The following DNER variants were observed in gnomAD, a reference collection of about 807,000 sequenced individuals.
DNER encodes delta and Notch-like epidermal growth factor-related receptor.
In DNER, 33 loss-of-function variants were observed where a neutral mutation model predicts 78.2. That is an observed-to-expected ratio of 0.42 (90% CI 0.32 to 0.56). The LOEUF (loss-of-function observed/expected upper bound fraction) is 0.56, where lower values mean the gene tolerates loss of function less well. DNER is among the 20% of genes least tolerant of loss of function. The pLI is 0.11. For missense variants in DNER, 918 were observed against 975.3 expected, an observed-to-expected ratio of 0.94 and a Z score of 0.78; for synonymous variants, 417 against 384.8, an observed-to-expected ratio of 1.08 and a Z score of -0.98.
At chr2:229,560,315 C>A (rs564053576) in intron 4 of DNER, among the ~76,000 whole-genome samples, 1 of 152,278 alleles carries the variant, frequency 6.6e-6, no homozygotes, top group South Asian at 2.1e-4. Flanking sequence ...TTGAGCAGTA[C>A]GTGTTGGAAA....
chr2:229,696,351 T>A (rs1478291286), intron 1 of DNER, among the ~76,000 whole-genome samples: 1 of 152,240 alleles, frequency 6.6e-6, no homozygotes, highest in Non-Finnish European at 1.5e-5. Flanking sequence ...GTATTAAATG[T>A]GCCTGAGGGG....
At chr2:229,512,091 G>C (rs570686744) in intron 6 of DNER, among the ~76,000 whole-genome samples, 2 of 152,282 alleles carry the variant, frequency 1.3e-5, no homozygotes, top group Non-Finnish European at 2.9e-5. Context: ...CCATAAGAAG[G>C]AATGAATTAG....
chr2:229,673,065 A>G (rs1186670687), intron 1 of DNER, among the ~76,000 whole-genome samples: 1 of 152,182 alleles, frequency 6.6e-6, no homozygotes, highest in African/African-American at 2.4e-5. Context: ...AGAAACCAGG[A>G]AAGCCTGCAT....
At chr2:229,375,699 T>G (rs1692582165) in intron 11 of DNER, among the ~76,000 whole-genome samples, 1 of 152,234 alleles carries the variant, frequency 6.6e-6, no homozygotes, top group Admixed American at 6.5e-5. Context: ...CAAAAACCCT[T>G]TGACAATTTT....
chr2:229,460,156 C>CAAAAAA (rs5839331), intron 7 of DNER, among the ~76,000 whole-genome samples: 5 of 85,504 alleles, frequency 5.8e-5, no homozygotes, highest in African/African-American at 1.3e-4. Flanking sequence ...GACTCCGTCT[C>CAAAAAA]AAAAAAAAAA....
chr2:229,392,318 C>T (rs1693033725), intron 10 of DNER, among the ~76,000 whole-genome samples: 1 of 151,048 alleles, frequency 6.6e-6, no homozygotes. Context: ...ACAGGAAGTC[C>T]ATGACTGTGA....
chr2:229,619,980 C>T (rs1269296184), intron 1 of DNER, among the ~76,000 whole-genome samples: 1 of 152,164 alleles, frequency 6.6e-6, no homozygotes. Flanking sequence ...TGAAATCAAG[C>T]AATTAAGTAT....
intron 1 of DNER, among the ~76,000 whole-genome samples, chr2:229,709,247 A>G (rs982945964): frequency 6.6e-6 from 1 of 152,190 alleles, no homozygotes; most frequent in Non-Finnish European, 1.5e-5. Context: ...TTACACTTTT[A>G]AAAAGAACTT....
At chr2:229,399,525 G>T (rs1298381369) in intron 10 of DNER, among the ~76,000 whole-genome samples, 1 of 151,964 alleles carries the variant, frequency 6.6e-6, no homozygotes, top group African/African-American at 2.4e-5. Flanking sequence ...TGTAGGTATA[G>T]ACAAGATTAT....
chr2:229,501,319 T>C (rs9789656), intron 6 of DNER, among the ~76,000 whole-genome samples: 45,621 of 150,452 alleles, frequency 0.3, 7,023 homozygotes, highest in Admixed American at 0.36. Context: ...AAAGAAATGA[T>C]AAGTATGTTA....
chr2:229,528,898 T>C (rs1162139691), intron 5 of DNER, among the ~76,000 whole-genome samples: 1 of 152,148 alleles, frequency 6.6e-6, no homozygotes, highest in Non-Finnish European at 1.5e-5. Context: ...GTAAAGAAAA[T>C]GTCCATGTCC....
chr2:229,444,963 T>A (rs1185469051), intron 8 of DNER, among the ~76,000 whole-genome samples: 1 of 152,226 alleles, frequency 6.6e-6, no homozygotes, highest in Non-Finnish European at 1.5e-5. Context: ...CAATATTTAA[T>A]TCTTCTTTGT....
At chr2:229,421,764 T>C (rs1169600797) in intron 8 of DNER, among the ~76,000 whole-genome samples, 1 of 151,948 alleles carries the variant, frequency 6.6e-6, no homozygotes, top group Non-Finnish European at 1.5e-5. Flanking sequence ...TTTGAGGTCA[T>C]TGTGGAGTAC....
chr2:229,584,274 C>A lies in DNER; in HGVS notation c.847+1584G>T, dbSNP rs148554385. Reference sequence around the variant, plus strand: ...GAGACAGGTGCTGCTAGGAGGATGCCTACCCCATCCTCCAGGTGAGGATGG... The same window carrying A: ...GAGACAGGTGCTGCTAGGAGGATGCATACCCCATCCTCCAGGTGAGGATGG... On this transcript the variant is annotated intron_variant, in intron 4 of 12. Coordinates refer to ENST00000341772, the MANE Select transcript of DNER (RefSeq NM_139072.4). 1.1e-4 allele frequency among the ~76,000 whole-genome samples: 17 copies of A among 152,234 alleles called. No individual in the cohort carries two copies. In the East Asian group the frequency reaches 3.3e-3, roughly 29 times the overall value.
intron 6 of DNER, among the ~76,000 whole-genome samples, chr2:229,497,675 C>T (rs1202670760): frequency 6.6e-6 from 1 of 151,646 alleles, no homozygotes; most frequent in East Asian, 1.9e-4. Context: ...TACTCTAATA[C>T]TATAACCAGT....
At chr2:229,698,828 A>C (rs1001178703) in intron 1 of DNER, among the ~76,000 whole-genome samples, 39 of 152,314 alleles carry the variant, frequency 2.6e-4, no homozygotes, top group African/African-American at 9.4e-4. Flanking sequence ...TTTTCCTATT[A>C]TCTCTCTCAT....
At position 229,358,427 on chromosome 2, in the gene DNER, T is replaced by C. The variant is rs888144538; in HGVS notation, c.*113A>G. ...GCAGAAAATTAGTTCTTAAATATTC[T>C]ACTGAAAACTCTTGAGCAGCTAGCA... On this transcript the variant is annotated 3_prime_UTR_variant, in exon 13 of 13. Coordinates refer to ENST00000341772, the MANE Select transcript of DNER (RefSeq NM_139072.4). The C allele has an allele frequency of 4.7e-6, 4 of 844,022 alleles. No homozygotes were observed. Among genetic ancestry groups the C allele is most frequent in the Admixed American group, 3.3e-5 (1 of 30,010 alleles). 52.3% of individuals were successfully genotyped at this position (844,022 alleles called of 1,614,324 possible).
intron 7 of DNER, among the ~76,000 whole-genome samples, chr2:229,473,228 T>C (rs1020141850): frequency 1.3e-5 from 2 of 152,188 alleles, no homozygotes; most frequent in Admixed American, 6.5e-5. Flanking sequence ...AATAATAACT[T>C]CTCACTTTTT....
chr2:229,669,301 C>A (rs930143896), intron 1 of DNER, among the ~76,000 whole-genome samples: 1 of 151,604 alleles, frequency 6.6e-6, no homozygotes, highest in African/African-American at 2.4e-5. Flanking sequence ...ACCACCATGT[C>A]ATGTGTATAC....
Sources: gnomAD v4.1 joint callset for allele counts (sites outside exome capture counted in the v4.1 genomes callset) on GRCh38, gnomAD v4.1.1 for gene constraint, MANE v1.5 for transcripts, NCBI Gene and HGNC (gene_info 2026-07-23, HGNC 2026-07-21) for gene names.